The following DOCK10 variants were observed in gnomAD, a reference collection of about 807,000 sequenced individuals.
DOCK10 encodes dedicator of cytokinesis 10.
A neutral mutation model predicts 280.1 loss-of-function variants in DOCK10; 145 were observed. The observed-to-expected ratio is 0.52, with a 90% confidence interval of 0.45 to 0.59. The LOEUF (loss-of-function observed/expected upper bound fraction) is 0.59. Ranked by LOEUF, DOCK10 falls within the 20% of genes least tolerant of loss-of-function variation. The pLI, the probability that DOCK10 is intolerant of heterozygous loss-of-function variation, is 0.00. For synonymous variants in DOCK10, 915 were observed against 942.2 expected, an observed-to-expected ratio of 0.97 and a Z score of 0.53; for missense variants, 2,368 against 2,651.7, an observed-to-expected ratio of 0.89 and a Z score of 2.35.
At chr2:225,014,438 A>G (rs1575165752) in intron 1 of DOCK10, among the ~76,000 whole-genome samples, 1 of 152,220 alleles carries the variant, frequency 6.6e-6, no homozygotes, top group South Asian at 2.1e-4. Context: ...CTAAGATATG[A>G]TAATATCAGT....
chr2:224,880,702 C>T (rs1698928200), intron 7 of DOCK10, among the ~76,000 whole-genome samples: 1 of 152,148 alleles, frequency 6.6e-6, no homozygotes, highest in Admixed American at 6.5e-5. Flanking sequence ...TCTGCTTCCA[C>T]AATGTTCATC....
At chr2:225,025,297 T>TG (rs1035721408) in intron 1 of DOCK10, among the ~76,000 whole-genome samples, 1 of 152,140 alleles carries the variant, frequency 6.6e-6, no homozygotes, top group African/African-American at 2.4e-5. Flanking sequence ...TACTTGAAGG[T>TG]GGTCCCTGGG....
chr2:225,002,324 G>A (rs10195954), intron 1 of DOCK10, among the ~76,000 whole-genome samples: 5,365 of 152,200 alleles, frequency 0.035, 243 homozygotes, highest in African/African-American at 0.097. Context: ...TGAACAGACT[G>A]TCATCCTCAA....
At chr2:225,020,386 A>T (rs571428896) in intron 1 of DOCK10, among the ~76,000 whole-genome samples, 2 of 152,218 alleles carry the variant, frequency 1.3e-5, no homozygotes, top group Admixed American at 1.3e-4. Context: ...CTGGTGAAGC[A>T]GTAGAGGAAT....
At chr2:224,924,297 A>T (rs1701939533) in intron 2 of DOCK10, among the ~76,000 whole-genome samples, 1 of 152,162 alleles carries the variant, frequency 6.6e-6, no homozygotes, top group Non-Finnish European at 1.5e-5. Flanking sequence ...ACCACGATTT[A>T]ATTACAGAAC....
chr2:224,966,572 C>T (rs1432966274), intron 1 of DOCK10, among the ~76,000 whole-genome samples: 1 of 152,170 alleles, frequency 6.6e-6, no homozygotes, highest in East Asian at 1.9e-4. Context: ...TTTATTTCCT[C>T]CTTCTGGAAG....
intron 1 of DOCK10, among the ~76,000 whole-genome samples, chr2:224,941,191 A>G (rs1303514409): frequency 4.7e-5 from 7 of 149,896 alleles, no homozygotes. Flanking sequence ...AAAGAACATT[A>G]CTGCTCTTTT....
intron 1 of DOCK10, among the ~76,000 whole-genome samples, chr2:225,005,777 G>A (rs955537952): frequency 1.8e-4 from 28 of 152,288 alleles, no homozygotes; most frequent in African/African-American, 6.5e-4. Flanking sequence ...ACAAACTAAT[G>A]TTAAATTGAG....
At chr2:224,968,735 C>A (rs969756730) in intron 1 of DOCK10, among the ~76,000 whole-genome samples, 3 of 152,084 alleles carry the variant, frequency 2.0e-5, no homozygotes, top group South Asian at 2.1e-4. Flanking sequence ...ATCTGGTTAC[C>A]AGGTTAATGG....
At chr2:224,984,187 G>A (rs1304830206) in intron 1 of DOCK10, among the ~76,000 whole-genome samples, 1 of 151,884 alleles carries the variant, frequency 6.6e-6, no homozygotes, top group African/African-American at 2.4e-5. Context: ...GTAGTTTGCA[G>A]GCAGCAAGCT....
In DOCK10 at chr2:224,788,414, T is replaced by C. The variant is rs974096800; in HGVS notation, c.5418+650A>G. Among the ~76,000 whole-genome samples the C allele has an allele frequency of 2.6e-5, 4 of 152,238 alleles. No individual in the cohort carries two copies. The East Asian group carries it at 7.7e-4, about 29-fold the overall frequency. On this transcript the variant is annotated intron_variant, in intron 48 of 55. Transcript: ENST00000258390. ...CATTATTTAAAGTAGTTAACATAAA[T>C]ATGTAATTATATTTACTTCGTTTAT...
chr2:224,860,069 C>T (rs1459375112), intron 14 of DOCK10, among the ~76,000 whole-genome samples: 3 of 152,232 alleles, frequency 2.0e-5, no homozygotes, highest in South Asian at 2.1e-4. Context: ...TCCTAACCTA[C>T]AACCAGACCA....
chr2:224,867,431 C>T (rs997084600), intron 11 of DOCK10, among the ~76,000 whole-genome samples: 1 of 152,242 alleles, frequency 6.6e-6, no homozygotes, highest in Non-Finnish European at 1.5e-5. Context: ...CTCTTCATGG[C>T]TTTCTCTCCC....
rs371295103 is a variant in DOCK10 at position 224,957,010 on chromosome 2, C to T, written c.124-25342G>A. Among the ~76,000 whole-genome samples the T allele has an allele frequency of 3.3e-5, 5 of 152,168 alleles. No homozygotes were observed. The East Asian group carries it at 9.6e-4, about 29-fold the overall frequency. On this transcript the variant is annotated intron_variant, in intron 1 of 55. Transcript: ENST00000258390. ...GCTTGTCATGTCCCTCAGGTATTGT[C>T]TAAATCAGGGTTTCTTAAACTCAGC... is the stretch of plus-strand genomic sequence containing the variant.
At chr2:224,831,805 C>T (rs1015928143) in intron 26 of DOCK10, among the ~76,000 whole-genome samples, 1 of 152,338 alleles carries the variant, frequency 6.6e-6, no homozygotes, top group Admixed American at 6.5e-5. Flanking sequence ...GCATCAAGAC[C>T]TGTCCTCTGG....
intron 47 of DOCK10, among the ~76,000 whole-genome samples, chr2:224,791,559 G>C (rs973073809): frequency 1.3e-5 from 2 of 151,858 alleles, no homozygotes; most frequent in African/African-American, 4.8e-5. Context: ...CCACCTCCTG[G>C]GTTCAAGCAA....
chr2:224,928,146 T>C (rs1702135064), intron 2 of DOCK10, among the ~76,000 whole-genome samples: 2 of 152,162 alleles, frequency 1.3e-5, no homozygotes, highest in African/African-American at 2.4e-5. Flanking sequence ...AGGCTGTGGG[T>C]GAAGCAGGTA....
rs1289676001 is a variant in DOCK10, at chr2:224,886,090, G to A, written c.585C>T (p.Ser195=). The change falls in exon 6 of 56, where the codon AGC becomes AGT. Residue 195 remains serine, a synonymous_variant. Coordinates refer to ENST00000258390, the MANE Select transcript of DOCK10 (RefSeq NM_014689.3). ...SGWLYKGNFN[S]TVNNTVTVRS... The stretch of plus-strand genomic sequence containing the variant: ...GAACAGTAACGGTGTTGTTCACGGT[G>A]CTGTTAAAATTCCCCTTGTAGAGCC... 4 of 1,613,692 alleles carry A rather than the reference G, an allele frequency of 2.5e-6. No homozygotes were observed. The highest frequency in any genetic ancestry group is 1.7e-5 in the Admixed American group (1 of 59,978).
At position 224,931,529 on chromosome 2, in the gene DOCK10, C is replaced by A; in HGVS notation, c.243+20G>T. ...GTAGGGCCCTCCTGAATCTAAATGGCTTGAGAAGAGAAGACTTACTGAAAA... is the reference window on the plus strand; with the variant it reads ...GTAGGGCCCTCCTGAATCTAAATGGATTGAGAAGAGAAGACTTACTGAAAA... On this transcript the variant is annotated intron_variant, in intron 2 of 55. Coordinates refer to ENST00000258390, the MANE Select transcript of DOCK10 (RefSeq NM_014689.3). 1 of 1,591,162 alleles carries A rather than the reference C, an allele frequency of 6.3e-7. No homozygotes were observed. Among genetic ancestry groups the A allele is most frequent in the Non-Finnish European group, 8.6e-7 (1 of 1,167,760 alleles).
Sources: allele counts gnomAD v4.1 joint callset (sites outside exome capture counted in the v4.1 genomes callset), GRCh38; gene constraint gnomAD v4.1.1; transcripts MANE v1.5; gene names NCBI Gene and HGNC (gene_info 2026-07-23, HGNC 2026-07-21).